The following FILIP1 variants were observed in gnomAD, a reference collection of about 807,000 sequenced individuals.
FILIP1 encodes filamin-A-interacting protein 1.
Under a neutral mutation model 102.1 loss-of-function variants are expected in FILIP1, and 61 were observed. The ratio of observed to expected loss-of-function variants is 0.60; its 90% confidence interval spans 0.49 to 0.74. FILIP1 has a LOEUF of 0.74. Among genes scored for constraint, FILIP1 ranks in the 30% least tolerant of loss-of-function variants. The pLI is 0.00. For missense variants in FILIP1, 1,314 were observed against 1,441.2 expected, an observed-to-expected ratio of 0.91 and a Z score of 1.43; for synonymous variants, 491 against 526.9, an observed-to-expected ratio of 0.93 and a Z score of 0.93.
At chr6:75,353,977 TG>T (rs151245991) in intron 3 of FILIP1, among the ~76,000 whole-genome samples, 1 of 151,868 alleles carries the variant, frequency 6.6e-6, no homozygotes, top group East Asian at 1.9e-4. Context: ...TTTCCTTTTT[TG>T]GGGGGGTGGG....
chr6:75,420,788 T>G (rs1033148863), intron 1 of FILIP1, among the ~76,000 whole-genome samples: 1 of 152,210 alleles, frequency 6.6e-6, no homozygotes, highest in African/African-American at 2.4e-5. Context: ...CTGTATTAAT[T>G]ACTTGGCACT....
At chr6:75,336,538 C>G (rs774035231) in intron 4 of FILIP1, among the ~76,000 whole-genome samples, 3 of 151,788 alleles carry the variant, frequency 2.0e-5, no homozygotes, top group Non-Finnish European at 4.4e-5. Flanking sequence ...GGGTCAGGAC[C>G]GATTATACAA....
intron 1 of FILIP1, among the ~76,000 whole-genome samples, chr6:75,471,177 A>G (rs961541796): frequency 5.0e-5 from 7 of 139,628 alleles, no homozygotes; most frequent in Non-Finnish European, 1.1e-4. Context: ...AAAAAAAAAA[A>G]AAAAAAGAAA....
intron 4 of FILIP1, among the ~76,000 whole-genome samples, chr6:75,340,797 G>A (rs1774394260): frequency 6.6e-6 from 1 of 150,938 alleles, no homozygotes; most frequent in African/African-American, 2.4e-5. Flanking sequence ...CCGGGTTCAA[G>A]CAATTCTCCT....
At chr6:75,316,616 G>A (rs190454799) in intron 4 of FILIP1, among the ~76,000 whole-genome samples, 10 of 152,114 alleles carry the variant, frequency 6.6e-5, no homozygotes, top group African/African-American at 2.2e-4. Flanking sequence ...TTACAGAAAT[G>A]GCTCTGATCA....
intron 3 of FILIP1, among the ~76,000 whole-genome samples, chr6:75,360,474 A>G (rs1325221740): frequency 3.3e-5 from 5 of 152,220 alleles, no homozygotes; most frequent in Non-Finnish European, 7.3e-5. Context: ...GGAGAAAACA[A>G]AAACAAACTC....
At chr6:75,311,930 CATCTT>C (rs1773200806) in intron 5 of FILIP1, among the ~76,000 whole-genome samples, 1 of 118,902 alleles carries the variant, frequency 8.4e-6, no homozygotes, top group Non-Finnish European at 2.2e-5. Flanking sequence ...AAAATCTTCT[CATCTT>C]ATTTTGGGAT....
chr6:75,376,087 G>T (rs1024916497), intron 2 of FILIP1, among the ~76,000 whole-genome samples: 4 of 152,126 alleles, frequency 2.6e-5, no homozygotes, highest in African/African-American at 9.7e-5. Flanking sequence ...TGAAAACTCA[G>T]GGTGGTCCTT....
intron 1 of FILIP1, among the ~76,000 whole-genome samples, chr6:75,467,608 T>C (rs1779205992): frequency 6.6e-6 from 1 of 152,214 alleles, no homozygotes; most frequent in Non-Finnish European, 1.5e-5. Context: ...CTGGTTTCCA[T>C]TTCAAGGTGG....
At position 75,313,091 on chromosome 6, in the gene FILIP1, A is replaced by G; in HGVS notation, c.2741T>C (p.Val914Ala). Residue 914 changes from valine to alanine, a missense_variant, in exon 5 of 6, where the codon GTG (valine) becomes GCG (alanine). Physicochemically the swap from Val to Ala is moderately conservative, Grantham distance 64 (BLOSUM62 0). Around this residue, in one of 3 missense-constraint regions of FILIP1, gnomAD observed 816 missense variants for 913.1 expected, o/e 0.89. Coordinates refer to ENST00000237172, the MANE Select transcript of FILIP1 (RefSeq NM_015687.5). This position sits in a 1 kb window ranked among gnomAD's most constrained non-coding sequence, Gnocchi z 4.2. ...PKQGQPLHIRVTPDHENSTAT... is the reference protein window; with the variant it reads ...PKQGQPLHIRATPDHENSTAT... ...AGTGCTGTTCTCGTGGTCTGGTGTCACTCGAATATGCAGGGGCTGGCCCTG... is the reference window on the plus strand; with the variant it reads ...AGTGCTGTTCTCGTGGTCTGGTGTCGCTCGAATATGCAGGGGCTGGCCCTG... 6.2e-7 allele frequency: 1 copy of G among 1,614,014 alleles called. No homozygotes were observed. The highest frequency in any genetic ancestry group is 2.2e-5 in the East Asian group (1 of 44,862).
chr6:75,428,866 C>T (rs1303733950), intron 1 of FILIP1, among the ~76,000 whole-genome samples: 2 of 150,604 alleles, frequency 1.3e-5, no homozygotes, highest in Non-Finnish European at 2.9e-5. Flanking sequence ...ACAAATAATC[C>T]ATTTAGATTT....
intron 2 of FILIP1, among the ~76,000 whole-genome samples, chr6:75,410,965 T>C (rs1162917331): frequency 6.6e-6 from 1 of 152,240 alleles, no homozygotes; most frequent in Non-Finnish European, 1.5e-5. Context: ...CAAATGGTAC[T>C]TCTGGTTCTA....
In FILIP1 at chr6:75,312,851, C is replaced by T; in HGVS notation, c.2981G>A (p.Ser994Asn). ...TTFSREKTPE[S>N]GRGAFADRPT... ...CCTGTCTGCAAATGCGCCTCTTCCA[C>T]TTTCTGGAGTCTTCTCTCTGGAAAA... is the stretch of plus-strand genomic sequence containing the variant. Residue 994 changes from serine to asparagine, a missense_variant, in exon 5 of 6, where the codon AGT becomes AAT. Around this residue, in one of 3 missense-constraint regions of FILIP1, gnomAD observed 816 missense variants for 913.1 expected, o/e 0.89. Coordinates refer to ENST00000237172, the MANE Select transcript of FILIP1 (RefSeq NM_015687.5). 1 of 1,614,230 alleles carries T rather than the reference C, an allele frequency of 6.2e-7. No individual in the cohort carries two copies. Among genetic ancestry groups the T allele is most frequent in the Middle Eastern group, 1.6e-4 (1 of 6,062 alleles).
Position 75,364,331 on chromosome 6 carries a change from T to C in FILIP1, c.277-1414A>G, listed in dbSNP as rs1301099568. Among the ~76,000 whole-genome samples, 2 of 152,148 alleles carry C rather than the reference T, an allele frequency of 1.3e-5. 1 individual carries two copies. Among genetic ancestry groups the C allele is most frequent in the African/African-American group, 4.8e-5 (2 of 41,402 alleles). On this transcript the variant is annotated intron_variant, in intron 2 of 5. Transcript: ENST00000237172. ...GGTCAAGTTAGCCTGTACACTGTGC[T>C]CATCAGAAAAACGTGCCCACTTTAT...
chr6:75,362,483 C>G (rs1775200253), intron 3 of FILIP1, among the ~76,000 whole-genome samples: 1 of 152,186 alleles, frequency 6.6e-6, no homozygotes, highest in Admixed American at 6.5e-5. Context: ...GAATAATATA[C>G]TGCAAGAGCA....
chr6:75,382,549 C>T (rs1260291426), intron 2 of FILIP1, among the ~76,000 whole-genome samples: 1 of 152,208 alleles, frequency 6.6e-6, no homozygotes, highest in African/African-American at 2.4e-5. Flanking sequence ...CTCTACTGTG[C>T]TTGCTATTCT....
chr6:75,440,529 G>C (rs1275094277), intron 1 of FILIP1, among the ~76,000 whole-genome samples: 2 of 152,212 alleles, frequency 1.3e-5, no homozygotes, highest in African/African-American at 4.8e-5. Context: ...TCTACAAAGT[G>C]GAATGGCAGG....
exon 7 of FILIP1, chr6:75,294,114 A>G (rs969550438): frequency 6.6e-6 from 1 of 152,238 alleles, no homozygotes; most frequent in Non-Finnish European, 1.5e-5. Context: ...TGATTTGCCA[A>G]TTCCCCAAGG....
chr6:75,377,440 G>A (rs965649868), intron 2 of FILIP1, among the ~76,000 whole-genome samples: 1 of 152,184 alleles, frequency 6.6e-6, no homozygotes, highest in Non-Finnish European at 1.5e-5. Context: ...CATCTCATAT[G>A]TACTGTTACC....
Sources: allele counts gnomAD v4.1 joint callset (sites outside exome capture counted in the v4.1 genomes callset), GRCh38; gene constraint gnomAD v4.1.1; regional missense constraint gnomAD v4.1.1; non-coding constraint Gnocchi (gnomAD v3.1); transcripts MANE v1.5; gene names NCBI Gene and HGNC (gene_info 2026-07-23, HGNC 2026-07-21).